Variants in AFF3 observed in about 807,000 individuals in gnomAD.
AFF3 encodes the protein AF4/FMR2 family member 3.
A neutral mutation model predicts 129.7 loss-of-function variants in AFF3; 32 were observed. The ratio of observed to expected loss-of-function variants is 0.25; its 90% CI spans 0.19 to 0.33. The LOEUF (loss-of-function observed/expected upper bound fraction) is 0.33. Ranked by LOEUF, AFF3 falls within the 10% of genes least tolerant of loss-of-function variation. AFF3 has a pLI of 1.00. For synonymous variants in AFF3, 644 were observed against 635.4 expected, an observed-to-expected ratio of 1.01 and a Z score of -0.20; for missense variants, 1,373 against 1,592.0, an observed-to-expected ratio of 0.86 and a Z score of 2.34.
chr2:99,616,806 AC>A (rs1681485315), intron 13 of AFF3, among the ~76,000 whole-genome samples: 1 of 151,886 alleles, frequency 6.6e-6, no homozygotes, highest in Non-Finnish European at 1.5e-5. Context: ...CATTCTTCCC[AC>A]TCCAAGCTCC....
chr2:99,808,501 AACT>A (rs1345705056), intron 8 of AFF3, among the ~76,000 whole-genome samples: 1 of 152,164 alleles, frequency 6.6e-6, no homozygotes. Flanking sequence ...TGAACAAGAA[AACT>A]AGTGATTACA....
At chr2:100,138,572 AGG>A (rs1692723385) in intron 1 of AFF3, among the ~76,000 whole-genome samples, 3 of 152,208 alleles carry the variant, frequency 2.0e-5, no homozygotes, top group Admixed American at 2.0e-4. Flanking sequence ...AAATAGAAAA[AGG>A]GAGCTCATAC....
At chr2:99,927,801 G>C (rs1696370387) in intron 7 of AFF3, among the ~76,000 whole-genome samples, 1 of 152,108 alleles carries the variant, frequency 6.6e-6, no homozygotes. Flanking sequence ...CATACTGAGA[G>C]GCCCCAGAGC....
At chr2:100,127,794 G>T (rs536679355) in intron 2 of AFF3, among the ~76,000 whole-genome samples, 2 of 152,306 alleles carry the variant, frequency 1.3e-5, no homozygotes, top group South Asian at 2.1e-4. Flanking sequence ...TAAGCTGGAG[G>T]TGTCAGAGGC....
intron 11 of AFF3, among the ~76,000 whole-genome samples, chr2:99,704,076 A>T (rs1162119687): frequency 2.0e-5 from 3 of 152,180 alleles, no homozygotes; most frequent in African/African-American, 7.2e-5. Flanking sequence ...AAATACAATT[A>T]TCTTAAGTAT....
At chr2:99,800,249 A>T (rs1207427115) in intron 8 of AFF3, among the ~76,000 whole-genome samples, 1 of 152,220 alleles carries the variant, frequency 6.6e-6, no homozygotes, top group Non-Finnish European at 1.5e-5. Flanking sequence ...CAACCTAGTA[A>T]AAAAGGCCAA....
intron 8 of AFF3, among the ~76,000 whole-genome samples, chr2:99,755,572 T>G (rs1349224857): frequency 6.6e-6 from 1 of 152,124 alleles, no homozygotes; most frequent in African/African-American, 2.4e-5. Flanking sequence ...CGGCCCCTAT[T>G]GGTTTTTTAA....
chr2:99,754,675 G>C (rs1042446657), intron 8 of AFF3, among the ~76,000 whole-genome samples: 7 of 152,214 alleles, frequency 4.6e-5, no homozygotes, highest in Non-Finnish European at 1.0e-4. Flanking sequence ...GACACTTTCA[G>C]GTTCAAATCT....
chr2:99,795,268 T>G (rs143785099), intron 8 of AFF3, among the ~76,000 whole-genome samples: 1 of 152,150 alleles, frequency 6.6e-6, no homozygotes, highest in East Asian at 1.9e-4. Flanking sequence ...CTGGAGGCCA[T>G]TATCTTAAGT....
intron 4 of AFF3, among the ~76,000 whole-genome samples, chr2:100,072,883 T>C (rs776980189): frequency 5.3e-5 from 8 of 152,230 alleles, no homozygotes; most frequent in Non-Finnish European, 1.2e-4. Flanking sequence ...ACTGAGTTCT[T>C]TGTTTCCTAT....
chr2:99,607,895 C>T (rs1680531151), intron 13 of AFF3, among the ~76,000 whole-genome samples: 1 of 152,222 alleles, frequency 6.6e-6, no homozygotes, highest in Non-Finnish European at 1.5e-5. Flanking sequence ...TCATCTAAAA[C>T]CATACCACAT....
At chr2:99,832,562 G>A (rs1319997630) in intron 8 of AFF3, among the ~76,000 whole-genome samples, 1 of 152,208 alleles carries the variant, frequency 6.6e-6, no homozygotes, top group Non-Finnish European at 1.5e-5. Context: ...CTTTAGGAAG[G>A]GCTTTTGGTT....
intron 4 of AFF3, among the ~76,000 whole-genome samples, chr2:100,072,271 A>T (rs924268425): frequency 4.6e-5 from 7 of 152,140 alleles, no homozygotes; most frequent in Admixed American, 1.3e-4. Flanking sequence ...AGTAAACCCT[A>T]TTGTGAACTG....
intron 7 of AFF3, among the ~76,000 whole-genome samples, chr2:99,973,139 T>C (rs775132348): frequency 2.5e-4 from 38 of 152,258 alleles, no homozygotes; most frequent in Admixed American, 4.6e-4. Context: ...TAGATTCCCA[T>C]GACCCCCAGC....
chr2:99,953,294 T>C (rs924694960), intron 7 of AFF3, among the ~76,000 whole-genome samples: 3 of 152,158 alleles, frequency 2.0e-5, no homozygotes, highest in Non-Finnish European at 4.4e-5. Context: ...CTTTAGACTT[T>C]CCTCCACTGG....
In AFF3 at chr2:100,007,013, T is replaced by G. The variant is rs762395651; in HGVS notation, c.492A>C (p.Gln164His). 1 of 1,604,456 alleles carries G rather than the reference T, an allele frequency of 6.2e-7. No homozygotes were observed. The highest frequency in any genetic ancestry group is 8.5e-7 in the Non-Finnish European group (1 of 1,174,234). Residue 164 changes from glutamine to histidine, a missense_variant, in exon 7 of 25, where the codon CAA (glutamine) becomes CAC (histidine). Coordinates refer to ENST00000672756, the MANE Select transcript of AFF3 (RefSeq NM_001386135.1). The stretch of plus-strand genomic sequence containing the variant: ...CAAGCAAGGTCCTGAGAGAGCCCTG[T>G]TGTGCTGAGTTGGAAGAAGAAGAAG... ...PPSDGQQRATQQGSLRTLLGD... is the reference protein window; with the variant it reads ...PPSDGQQRATHQGSLRTLLGD...
At chr2:99,969,490 T>TATTTATTTATTTATTTA (rs1276077628) in intron 7 of AFF3, among the ~76,000 whole-genome samples, 4 of 152,054 alleles carry the variant, frequency 2.6e-5, no homozygotes, top group African/African-American at 9.7e-5. Context: ...TTTATTTATT[T>TATTTATTTATTTATTTA]ATTTATTTAT....
chr2:99,797,334 A>G (rs1338150876), intron 8 of AFF3, among the ~76,000 whole-genome samples: 3 of 152,160 alleles, frequency 2.0e-5, no homozygotes, highest in African/African-American at 4.8e-5. Flanking sequence ...ATGGTAGAAT[A>G]GAGATTGTAA....
At chr2:99,668,608 G>A (rs1327289676) in intron 12 of AFF3, among the ~76,000 whole-genome samples, 2 of 151,944 alleles carry the variant, frequency 1.3e-5, no homozygotes, top group African/African-American at 4.8e-5. Flanking sequence ...TGTCACCCAG[G>A]CTGGAGTGTA....
Sources: allele counts gnomAD v4.1 joint callset (sites outside exome capture counted in the v4.1 genomes callset), GRCh38; gene constraint gnomAD v4.1.1; transcripts MANE v1.5; gene names NCBI Gene and HGNC (gene_info 2026-07-23, HGNC 2026-07-21).